Variants in LRRN2 observed in about 807,000 individuals in gnomAD.
The protein encoded by LRRN2 is leucine rich repeat neuronal 2.
LRRN2 carries 10 observed loss-of-function variants against 35.7 expected under a neutral mutation model. The observed-to-expected ratio is 0.28, with a 90% CI of 0.17 to 0.47. The LOEUF (loss-of-function observed/expected upper bound fraction) is 0.47, where lower values mean the gene tolerates loss of function less well. Among genes scored for constraint, LRRN2 ranks in the 20% least tolerant of loss-of-function variants. The pLI is 0.99. For missense variants in LRRN2, 731 were observed against 940.3 expected, an observed-to-expected ratio of 0.78 and a Z score of 2.91; for synonymous variants, 391 against 409.6, an observed-to-expected ratio of 0.95 and a Z score of 0.55.
intron 1 of LRRN2, among the ~76,000 whole-genome samples, chr1:204,681,501 G>A (rs564183815): frequency 2.0e-5 from 3 of 152,284 alleles, no homozygotes; most frequent in South Asian, 2.1e-4. Flanking sequence ...GAGAGGTTAC[G>A]TGACCTGCTC....
chr1:204,638,402 CTTTTTTT>C (rs971289134), intron 1 of LRRN2, among the ~76,000 whole-genome samples: 3 of 71,676 alleles, frequency 4.2e-5, no homozygotes, highest in Admixed American at 2.0e-4. Flanking sequence ...CAAGGTCTTC[CTTTTTTT>C]TTTTTTTTTT....
intron 1 of LRRN2, among the ~76,000 whole-genome samples, chr1:204,623,552 C>T (rs897309835): frequency 6.6e-6 from 1 of 152,262 alleles, no homozygotes; most frequent in African/African-American, 2.4e-5. Flanking sequence ...GCTGAGCATG[C>T]AGCTCTTTCC....
At chr1:204,679,883 A>C (rs910567437) in intron 1 of LRRN2, among the ~76,000 whole-genome samples, 1 of 152,222 alleles carries the variant, frequency 6.6e-6, no homozygotes, top group Non-Finnish European at 1.5e-5. Flanking sequence ...CAGGAGGAAA[A>C]AAAAGGTCAC....
At chr1:204,632,628 CAAA>C (rs10719120) in intron 1 of LRRN2, among the ~76,000 whole-genome samples, 20 of 104,510 alleles carry the variant, frequency 1.9e-4, no homozygotes, top group Admixed American at 2.0e-4. Context: ...GACTCTGTCT[CAAA>C]AAAAAAAAAA....
At chr1:204,646,874 A>G (rs1668117876) in intron 1 of LRRN2, among the ~76,000 whole-genome samples, 1 of 152,212 alleles carries the variant, frequency 6.6e-6, no homozygotes, top group Non-Finnish European at 1.5e-5. Flanking sequence ...ACTTAGGTTC[A>G]AATCCCACCT....
intron 1 of LRRN2, among the ~76,000 whole-genome samples, chr1:204,638,214 G>A (rs1005804199): frequency 5.3e-5 from 8 of 151,404 alleles, no homozygotes; most frequent in Admixed American, 1.3e-4. Context: ...GAGCCAGAGC[G>A]CTGTCATGGT....
chr1:204,666,932 A>T (rs1441338318), intron 1 of LRRN2, among the ~76,000 whole-genome samples: 4 of 135,034 alleles, frequency 3.0e-5, no homozygotes, highest in Non-Finnish European at 6.1e-5. Flanking sequence ...ACTGCACTCC[A>T]GCCTGGATGC....
At chr1:204,669,101 A>T (rs558490805) in intron 1 of LRRN2, among the ~76,000 whole-genome samples, 135 of 152,342 alleles carry the variant, frequency 8.9e-4, no homozygotes, top group Admixed American at 2.3e-3. Flanking sequence ...CTGGGATTAT[A>T]GGCATGAGCC....
At chr1:204,666,696 C>A (rs906094579) in intron 1 of LRRN2, among the ~76,000 whole-genome samples, 1 of 152,168 alleles carries the variant, frequency 6.6e-6, no homozygotes, top group African/African-American at 2.4e-5. Context: ...CGCGGTGGCT[C>A]ATGCCTGTAA....
chr1:204,633,755 C>T (rs779887085), intron 1 of LRRN2, among the ~76,000 whole-genome samples: 1 of 152,236 alleles, frequency 6.6e-6, no homozygotes, highest in Non-Finnish European at 1.5e-5. Flanking sequence ...GTCCCCGCTG[C>T]CCAGCTCTCC....
At chr1:204,654,878 A>G (rs1477879827) in intron 1 of LRRN2, among the ~76,000 whole-genome samples, 3 of 152,196 alleles carry the variant, frequency 2.0e-5, no homozygotes, top group Non-Finnish European at 4.4e-5. Flanking sequence ...ATTGGCAAAC[A>G]CTACAAATCA....
At chr1:204,647,749 CAG>C (rs746422933) in intron 1 of LRRN2, among the ~76,000 whole-genome samples, 2 of 152,254 alleles carry the variant, frequency 1.3e-5, no homozygotes, top group Non-Finnish European at 2.9e-5. Flanking sequence ...GAACAAAGAC[CAG>C]AGCTGTCCAA....
At chr1:204,684,283 C>T (rs918108545) in intron 1 of LRRN2, among the ~76,000 whole-genome samples, 8 of 152,210 alleles carry the variant, frequency 5.3e-5, no homozygotes, top group Admixed American at 5.2e-4. Flanking sequence ...GAGCGCTGTG[C>T]CCAGCCCACC....
At chr1:204,624,691 TTGG>T (rs1223431170) in intron 1 of LRRN2, among the ~76,000 whole-genome samples, 1 of 151,254 alleles carries the variant, frequency 6.6e-6, no homozygotes, top group Non-Finnish European at 1.5e-5. Context: ...CTGCCTGGTA[TTGG>T]TGGATGCAGA....
rs142495917 is a variant in LRRN2 at position 204,661,456 on chromosome 1, A to G, written c.-227+23864T>C. ...AAAAATGGGGGGAAAAGTCACACCA[A>G]TGGTTTTCGAACTTTCCTGTACATA... On this transcript the variant is annotated intron_variant, in intron 1 of 1. Coordinates refer to ENST00000367177, the MANE Select transcript of LRRN2 (RefSeq NM_201630.2). 4.5e-3 allele frequency among the ~76,000 whole-genome samples: 680 copies of G among 152,324 alleles called. 4 individuals are homozygous for G. Among genetic ancestry groups the G allele is most frequent in the Non-Finnish European group, 7.3e-3 (497 of 68,032 alleles).
At position 204,618,528 on chromosome 1, in the gene LRRN2, C is replaced by G. The variant is rs1034054843; in HGVS notation, c.1465G>C (p.Ala489Pro). ...CAGGTGTATAGCCCTGCCTCTTCTG[C>G]TGTCACCCTCCGCAGCTCCAGGGTC... Reference protein sequence around the residue: ...EGTLELRRVTAEEAGLYTCVA... With the variant: ...EGTLELRRVTPEEAGLYTCVA... Residue 489 changes from alanine to proline, a missense_variant, in exon 2 of 2, where the codon GCA (alanine) becomes CCA (proline). Coordinates refer to ENST00000367177, the MANE Select transcript of LRRN2 (RefSeq NM_201630.2). 3.7e-6 allele frequency: 6 copies of G among 1,614,054 alleles called. No homozygotes were observed. In the African/African-American group the frequency reaches 8.0e-5, roughly 22 times the overall value.
In LRRN2 at chr1:204,619,123, C is replaced by G. The variant is rs778296824; in HGVS notation, c.870G>C (p.Leu290=). The G allele has an allele frequency of 2.7e-5, 43 of 1,613,044 alleles. No individual in the cohort carries two copies. The highest frequency in any genetic ancestry group is 3.6e-5 in the Non-Finnish European group (43 of 1,179,594). ...DFANMLHLKE[L]GLNNMEELVS... The stretch of plus-strand genomic sequence containing the variant: ...CCAGCTCCTCCATGTTGTTCAGTCC[C>G]AGCTCCTTAAGGTGCAGCATGTTGG... Residue 290 remains leucine, a synonymous_variant, in exon 2 of 2, where the codon CTG becomes CTC. Coordinates refer to ENST00000367177, the MANE Select transcript of LRRN2 (RefSeq NM_201630.2).
intron 1 of LRRN2, among the ~76,000 whole-genome samples, chr1:204,680,808 T>C (rs1481456936): frequency 6.6e-6 from 1 of 152,196 alleles, no homozygotes; most frequent in Non-Finnish European, 1.5e-5. Flanking sequence ...TGGTATCTTT[T>C]CATGCACGAT....
chr1:204,667,335 G>A (rs1668594648), intron 1 of LRRN2, among the ~76,000 whole-genome samples: 1 of 152,176 alleles, frequency 6.6e-6, no homozygotes, highest in African/African-American at 2.4e-5. Context: ...GGACTTCCCT[G>A]TAAATTTCTT....
Sources: allele counts gnomAD v4.1 joint callset (sites outside exome capture counted in the v4.1 genomes callset), GRCh38; gene constraint gnomAD v4.1.1; transcripts MANE v1.5; gene names NCBI Gene and HGNC (gene_info 2026-07-23, HGNC 2026-07-21).